SLCO3A1: variants seen among roughly 807,000 people sequenced by gnomAD.
The protein encoded by SLCO3A1 is PGE1 transporter.
A neutral mutation model predicts 63.1 loss-of-function variants in SLCO3A1; 27 were observed. That is an observed-to-expected ratio of 0.43 (90% confidence interval 0.32 to 0.59). The LOEUF (loss-of-function observed/expected upper bound fraction) is 0.59, where lower values mean the gene tolerates loss of function less well. Among genes scored for constraint, SLCO3A1 ranks in the 20% least tolerant of loss-of-function variants. SLCO3A1 has a pLI of 0.09. For missense variants in SLCO3A1, 773 were observed against 945.8 expected (o/e 0.82, Z 2.40); for synonymous variants, 473 against 409.9 (o/e 1.15, Z -1.86).
At chr15:92,075,685 G>T (rs1181829470) in intron 2 of SLCO3A1, among the ~76,000 whole-genome samples, 1 of 152,182 alleles carries the variant, frequency 6.6e-6, no homozygotes, top group Non-Finnish European at 1.5e-5. Flanking sequence ...TCTCAAATGG[G>T]CATAACATGC....
intron 2 of SLCO3A1, among the ~76,000 whole-genome samples, chr15:91,920,685 C>A (rs537464874): frequency 6.6e-5 from 10 of 152,230 alleles, no homozygotes; most frequent in African/African-American, 2.4e-4. Context: ...TTTTTTGAAC[C>A]GCAGTAACCA....
chr15:92,136,894 A>G (rs2048064447), intron 7 of SLCO3A1, among the ~76,000 whole-genome samples: 1 of 150,138 alleles, frequency 6.7e-6, no homozygotes, highest in African/African-American at 2.5e-5. Flanking sequence ...TTATTTCTAA[A>G]TTAGTACATA....
At chr15:92,046,165 G>A (rs1174670293) in intron 2 of SLCO3A1, among the ~76,000 whole-genome samples, 3 of 152,086 alleles carry the variant, frequency 2.0e-5, no homozygotes, top group Non-Finnish European at 2.9e-5. Context: ...TATCTACAGT[G>A]TCAGATTGTA....
chr15:92,006,535 T>G (rs982040166), intron 2 of SLCO3A1, among the ~76,000 whole-genome samples: 1 of 152,206 alleles, frequency 6.6e-6, no homozygotes, highest in African/African-American at 2.4e-5. Context: ...GGTGACTGTT[T>G]CCTACTTTGA....
intron 3 of SLCO3A1, among the ~76,000 whole-genome samples, chr15:92,102,212 A>G (rs2047613601): frequency 1.3e-5 from 2 of 152,180 alleles, no homozygotes; most frequent in Admixed American, 1.3e-4. Flanking sequence ...GAAACACAGT[A>G]AGTGACTAGT....
rs1451972514 is a variant in SLCO3A1, at chr15:91,995,276, TGAGACTTC to T, written c.646+78820_646+78827del. Among the ~76,000 whole-genome samples the T allele has an allele frequency of 2.0e-5, 3 of 152,298 alleles. No homozygotes were observed. The East Asian group carries it at 5.8e-4, about 29-fold the overall frequency. ...ATCCCACTGCCAGTGCTATCTGACG[TGAGACTTC>T]GGACAAGTTATTTAACCTTAAGGCT... On this transcript the variant is annotated intron_variant, in intron 2 of 9. Coordinates refer to ENST00000318445, the MANE Select transcript of SLCO3A1 (RefSeq NM_013272.4).
intron 1 of SLCO3A1, among the ~76,000 whole-genome samples, chr15:91,909,168 A>G (rs1034737318): frequency 6.6e-6 from 1 of 152,212 alleles, no homozygotes; most frequent in African/African-American, 2.4e-5. Context: ...TCATATACTT[A>G]CCAATGGCCA....
chr15:91,994,365 G>A (rs553041671), intron 2 of SLCO3A1, among the ~76,000 whole-genome samples: 1 of 152,044 alleles, frequency 6.6e-6, no homozygotes, highest in South Asian at 2.1e-4. Flanking sequence ...AATTTTTATG[G>A]ATATATAGAG....
intron 1 of SLCO3A1, among the ~76,000 whole-genome samples, chr15:91,876,427 T>C (rs1392776948): frequency 6.6e-6 from 1 of 152,244 alleles, no homozygotes; most frequent in Non-Finnish European, 1.5e-5. Flanking sequence ...AGCAAATGTC[T>C]GTTTCACATG....
chr15:91,962,245 C>T (rs1156854203), intron 2 of SLCO3A1, among the ~76,000 whole-genome samples: 1 of 151,982 alleles, frequency 6.6e-6, no homozygotes. Context: ...TTTGGGAGGC[C>T]GAGGCAGATG....
At chr15:92,059,051 G>C (rs2047055276) in intron 2 of SLCO3A1, among the ~76,000 whole-genome samples, 1 of 152,190 alleles carries the variant, frequency 6.6e-6, no homozygotes, top group Non-Finnish European at 1.5e-5. Context: ...AGCAGTATCT[G>C]TTTGAAGGCA....
intron 9 of SLCO3A1, among the ~76,000 whole-genome samples, chr15:92,158,328 A>G (rs1211402344): frequency 1.3e-5 from 2 of 152,210 alleles, no homozygotes; most frequent in African/African-American, 2.4e-5. Context: ...GAAATCCCCA[A>G]TAAGAGCTCT....
At chr15:92,125,798 G>A (rs2047914263) in intron 5 of SLCO3A1, among the ~76,000 whole-genome samples, 1 of 151,624 alleles carries the variant, frequency 6.6e-6, no homozygotes, top group South Asian at 2.1e-4. Context: ...TTCTCCTGAG[G>A]GTGCCCCACT....
intron 3 of SLCO3A1, among the ~76,000 whole-genome samples, chr15:92,100,895 G>A (rs768172380): frequency 1.3e-4 from 20 of 152,182 alleles, no homozygotes; most frequent in Non-Finnish European, 2.2e-4. Flanking sequence ...GAAAGAGGGG[G>A]TGGAGTCATG....
At chr15:92,155,281 T>C (rs2048357642) in intron 9 of SLCO3A1, 1 of 152,252 alleles carries the variant, frequency 6.6e-6, no homozygotes, top group African/African-American at 2.4e-5. Flanking sequence ...GGCCACTGCT[T>C]GCCAGGGCGT....
At chr15:92,109,797 G>C (rs989041524) in intron 4 of SLCO3A1, among the ~76,000 whole-genome samples, 1 of 152,060 alleles carries the variant, frequency 6.6e-6, no homozygotes, top group Non-Finnish European at 1.5e-5. Context: ...GCCCCCACAG[G>C]TGGCTGATGG....
chr15:92,063,631 G>C (rs2047112711), intron 2 of SLCO3A1, among the ~76,000 whole-genome samples: 1 of 152,128 alleles, frequency 6.6e-6, no homozygotes, highest in South Asian at 2.1e-4. Flanking sequence ...AGGCTGACGT[G>C]GATGGATCAG....
chr15:92,076,456 G>C (rs975558197), intron 2 of SLCO3A1, among the ~76,000 whole-genome samples: 5 of 152,146 alleles, frequency 3.3e-5, no homozygotes, highest in African/African-American at 1.2e-4. Context: ...CTTTATCCTG[G>C]AACCCCAGCT....
In SLCO3A1 at chr15:91,912,781, G is replaced by C. The variant is rs922076776; in HGVS notation, c.181-3212G>C. Among the ~76,000 whole-genome samples, 1 of 152,060 alleles carries C rather than the reference G, an allele frequency of 6.6e-6. No homozygotes were observed. Among genetic ancestry groups the C allele is most frequent in the African/African-American group, 2.4e-5 (1 of 41,402 alleles). ...AGACTGCTTCAGCCACCTCTCCGGG[G>C]GTGACTTTCTAGGGGACCCCACCCA... is the stretch of plus-strand genomic sequence containing the variant. On this transcript the variant is annotated intron_variant, in intron 1 of 9. Transcript: ENST00000318445. This position sits in a 1 kb window ranked among gnomAD's most constrained non-coding sequence, Gnocchi z 5.0.
Sources: allele counts gnomAD v4.1 joint callset (sites outside exome capture counted in the v4.1 genomes callset), GRCh38; gene constraint gnomAD v4.1.1; non-coding constraint Gnocchi (gnomAD v3.1); transcripts MANE v1.5; gene names NCBI Gene and HGNC (gene_info 2026-07-23, HGNC 2026-07-21).